PANX1: variants seen among roughly 807,000 people sequenced by gnomAD.
The protein encoded by PANX1 is pannexin 1.
PANX1 carries 30 observed loss-of-function variants against 38.7 expected under a neutral mutation model. That is an observed-to-expected ratio of 0.78 (90% CI 0.58 to 1.05). The LOEUF (loss-of-function observed/expected upper bound fraction) is 1.05. PANX1 is among the 50% of genes least tolerant of loss of function. The pLI is 0.00. For missense variants in PANX1, 551 were observed against 517.2 expected, an observed-to-expected ratio of 1.07 and a Z score of -0.63; for synonymous variants, 230 against 212.2, an observed-to-expected ratio of 1.08 and a Z score of -0.73.
At chr11:94,173,400 G>A (rs1482924881) in intron 2 of PANX1, among the ~76,000 whole-genome samples, 1 of 151,434 alleles carries the variant, frequency 6.6e-6, no homozygotes, top group African/African-American at 2.4e-5. Flanking sequence ...TTTATTTTCA[G>A]TTATCTACTA....
At chr11:94,147,811 G>T (rs536290653) in intron 1 of PANX1, among the ~76,000 whole-genome samples, 1 of 152,312 alleles carries the variant, frequency 6.6e-6, no homozygotes, top group Admixed American at 6.5e-5. Context: ...TGTCTTGACA[G>T]TGCCGTGTCT....
rs950433761 is a variant in PANX1 at position 94,160,920 on chromosome 11, G to C, written c.321+7290G>C. ...CAGGAGCTCTTTTAGGGCAGGCCTG[G>C]TGGTGACAAAATCTCTCAGCATTTG... On this transcript the variant is annotated intron_variant, in intron 2 of 4. Coordinates refer to ENST00000227638, the MANE Select transcript of PANX1 (RefSeq NM_015368.4). Among the ~76,000 whole-genome samples, 4 of 152,230 alleles carry C rather than the reference G, an allele frequency of 2.6e-5. No homozygotes were observed. In the South Asian group the frequency reaches 6.2e-4, roughly 24 times the overall value.
Position 94,135,471 on chromosome 11 carries a change from G to A in PANX1, c.181+5978G>A, listed in dbSNP as rs946355242. On this transcript the variant is annotated intron_variant, in intron 1 of 4. Coordinates refer to ENST00000227638, the MANE Select transcript of PANX1 (RefSeq NM_015368.4). ...GACCTGTCTTTGGGAATATCTTCAGGCTGCTTTTTAGCATGTACCAGCTGG... is the reference window on the plus strand; with the variant it reads ...GACCTGTCTTTGGGAATATCTTCAGACTGCTTTTTAGCATGTACCAGCTGG... 8.5e-5 allele frequency among the ~76,000 whole-genome samples: 13 copies of A among 152,278 alleles called. 1 individual carries two copies. Among genetic ancestry groups the A allele is most frequent in the Admixed American group, 7.2e-4 (11 of 15,304 alleles).
intron 2 of PANX1, chr11:94,175,750 G>C: frequency 1.0e-6 from 1 of 984,716 alleles, no homozygotes. Flanking sequence ...CCCACAGCCA[G>C]CTATGAATTA....
intron 2 of PANX1, among the ~76,000 whole-genome samples, chr11:94,174,694 G>A (rs1412741071): frequency 1.3e-5 from 2 of 151,672 alleles, no homozygotes; most frequent in African/African-American, 4.9e-5. Flanking sequence ...CAGGTCCCCA[G>A]GAGATGTTTT....
rs902072503 is a variant in PANX1 at position 94,157,391 on chromosome 11, C to T, written c.321+3761C>T. On this transcript the variant is annotated intron_variant, in intron 2 of 4. Transcript: ENST00000227638. ...GTTCCTATTCCTCCACCTCCTCTCC[C>T]GCACCTGTTGTTTCCTGACTTTTTA... 9.9e-5 allele frequency among the ~76,000 whole-genome samples: 15 copies of T among 152,152 alleles called. 2 individuals carry two copies. Among genetic ancestry groups the T allele is most frequent in the Admixed American group, 3.3e-4 (5 of 15,280 alleles).
Position 94,180,957 on chromosome 11 carries a change from T to C in PANX1, c.*88T>C. 2.6e-6 allele frequency: 2 copies of C among 778,738 alleles called. No individual in the cohort carries two copies. Among genetic ancestry groups the C allele is most frequent in the Non-Finnish European group, 4.6e-6 (2 of 432,376 alleles). The allele number at this position is 778,738 out of a possible 1,614,324, so 48.2% of individuals were successfully genotyped here. On this transcript the variant is annotated 3_prime_UTR_variant, in exon 5 of 5. Transcript: ENST00000227638. The stretch of plus-strand genomic sequence containing the variant: ...GCACCCCTGTTGGTTTCACAGCTGG[T>C]TTGCAATAAATGGTTCTTGGTGGAG...
chr11:94,177,701 T>C (rs1947250933), intron 2 of PANX1, among the ~76,000 whole-genome samples: 1 of 148,344 alleles, frequency 6.7e-6, no homozygotes, highest in Non-Finnish European at 1.5e-5. Flanking sequence ...CACCCTGATG[T>C]GGATGCTCTC....
intron 2 of PANX1, among the ~76,000 whole-genome samples, chr11:94,172,956 C>T (rs1033245467): frequency 6.6e-6 from 1 of 151,766 alleles, no homozygotes; most frequent in Non-Finnish European, 1.5e-5. Context: ...CCAGTGCAAA[C>T]CACAGCACCT....
In PANX1 at chr11:94,178,407, G is replaced by C; in HGVS notation, c.360G>C (p.Leu120=). 1 of 1,613,994 alleles carries C rather than the reference G, an allele frequency of 6.2e-7. No individual in the cohort carries two copies. The highest frequency in any genetic ancestry group is 8.5e-7 in the Non-Finnish European group (1 of 1,179,980). Residue 120 remains leucine (L), a synonymous_variant, in exon 3 of 5, where the codon CTG becomes CTC. Transcript: ENST00000227638. ...PYILLLFAIL[L]YLPPLFWRFA... is the part of the protein sequence containing the mutation. ...TCCTGCTGCTCTTTGCGATCCTCCT[G>C]TACCTGCCCCCGCTGTTCTGGCGTT...
At chr11:94,136,569 A>G (rs1387234264) in intron 1 of PANX1, among the ~76,000 whole-genome samples, 1 of 152,140 alleles carries the variant, frequency 6.6e-6, no homozygotes, top group African/African-American at 2.4e-5. Flanking sequence ...TCACGAGGTC[A>G]GGAGATCGAG....
At position 94,179,779 on chromosome 11, in the gene PANX1, A is replaced by G. The variant is rs777787324; in HGVS notation, c.723A>G (p.Ser241=). ...ATTACTTCAGCCTCTCCTCACTCTC[A>G]GACGAGTTTGTGTGCAGCATCAAAT... ...LGYYFSLSSL[S]DEFVCSIKSG... Residue 241 remains serine, a synonymous_variant, in exon 4 of 5, where the codon TCA becomes TCG. Transcript: ENST00000227638. 2 of 1,614,164 alleles carry G rather than the reference A, an allele frequency of 1.2e-6. No individual in the cohort carries two copies. Among genetic ancestry groups the G allele is most frequent in the Admixed American group, 1.7e-5 (1 of 60,020 alleles).
In PANX1 at chr11:94,179,938, G is replaced by T. The variant is rs375539925; in HGVS notation, c.882G>T (p.Thr294=). The change falls in exon 4 of 5, where the codon ACG becomes ACT. Residue 294 remains threonine, a synonymous_variant. Transcript: ENST00000227638. Reference sequence around the variant, plus strand: ...TGCTGGCTCCCGTGGTTGTCTACACGCTGTTTGTTCCATTCCGACAGAAGA... The same window carrying T: ...TGCTGGCTCCCGTGGTTGTCTACACTCTGTTTGTTCCATTCCGACAGAAGA... ...YVLLAPVVVY[T]LFVPFRQKTD... 147 of 1,608,330 alleles carry T rather than the reference G, an allele frequency of 9.1e-5. No homozygotes were observed. The highest frequency in any genetic ancestry group is 1.2e-4 in the Non-Finnish European group (144 of 1,176,298).
In PANX1 at chr11:94,129,291, T is replaced by C. The variant is rs776549592; in HGVS notation, c.-22T>C. ...CGCCGGCTGTACCCGGACCTCCTGG[T>C]CGAGCCTGGCGCGCCGCAGCCATGG... On this transcript the variant is annotated 5_prime_UTR_variant, in exon 1 of 5. Coordinates refer to ENST00000227638, the MANE Select transcript of PANX1 (RefSeq NM_015368.4). 11 of 1,590,328 alleles carry C rather than the reference T, an allele frequency of 6.9e-6. No homozygotes were observed. The highest frequency in any genetic ancestry group is 3.4e-4 in the Middle Eastern group (2 of 5,956).
rs528691274 is a variant in PANX1 at position 94,132,651 on chromosome 11, A to G, written c.181+3158A>G. 5.9e-5 allele frequency among the ~76,000 whole-genome samples: 9 copies of G among 152,198 alleles called. No individual in the cohort carries two copies. The South Asian group carries it at 1.9e-3, about 32-fold the overall frequency. ...AAACGAGAAAATCAGCTGTAATTAC[A>G]TGTTTTTCCTTTTTCCACCTGTATG... On this transcript the variant is annotated intron_variant, in intron 1 of 4. Coordinates refer to ENST00000227638, the MANE Select transcript of PANX1 (RefSeq NM_015368.4).
intron 1 of PANX1, among the ~76,000 whole-genome samples, chr11:94,147,025 A>G (rs1239943525): frequency 1.3e-5 from 2 of 152,196 alleles, no homozygotes; most frequent in Admixed American, 6.5e-5. Context: ...TAAAGGATAT[A>G]TTATATATGC....
intron 2 of PANX1, among the ~76,000 whole-genome samples, chr11:94,176,566 C>T (rs1358013388): frequency 6.6e-6 from 1 of 151,528 alleles, no homozygotes; most frequent in Non-Finnish European, 1.5e-5. Flanking sequence ...GAGTGAGGGG[C>T]TTATGGGAAT....
chr11:94,153,287 G>A (rs1249291043), intron 1 of PANX1, among the ~76,000 whole-genome samples: 1 of 152,124 alleles, frequency 6.6e-6, no homozygotes, highest in Non-Finnish European at 1.5e-5. Context: ...AGGCCAAGCT[G>A]CTATCATGAC....
intron 1 of PANX1, among the ~76,000 whole-genome samples, chr11:94,144,594 C>T (rs1445765031): frequency 6.6e-6 from 1 of 152,118 alleles, no homozygotes; most frequent in Non-Finnish European, 1.5e-5. Context: ...TGAACTTGGG[C>T]CTAGAGCTCG....
Sources: allele counts gnomAD v4.1 joint callset (sites outside exome capture counted in the v4.1 genomes callset), GRCh38; gene constraint gnomAD v4.1.1; transcripts MANE v1.5; gene names NCBI Gene and HGNC (gene_info 2026-07-23, HGNC 2026-07-21).